Variants in PACRGL observed in about 807,000 individuals in gnomAD.
PACRGL encodes parkin coregulated like.
A neutral mutation model predicts 34.5 loss-of-function variants in PACRGL; 38 were observed. That is an observed-to-expected ratio of 1.10 (90% CI 0.85 to 1.44). The LOEUF is 1.44. Ranked by LOEUF, PACRGL falls within the 40% of genes most tolerant of loss-of-function variation. The pLI, the probability that PACRGL is intolerant of heterozygous loss-of-function variation, is 0.00. For synonymous variants in PACRGL, 128 were observed against 100.1 expected (o/e 1.28, Z -1.66); for missense variants, 305 against 281.4 (o/e 1.08, Z -0.60).
intron 5 of PACRGL, 184 bp from the exon 6 acceptor site, chr4:20,712,604 C>A: frequency 2.0e-6 from 1 of 512,652 alleles, no homozygotes; most frequent in South Asian, 6.1e-5. Flanking sequence ...CTTGGGATAC[C>A]AAGGGACCCT....
At chr4:20,765,915 A>T in the PACRGL span, among the ~76,000 whole-genome samples, 73 of 152,334 alleles carry the variant, frequency 4.8e-4, no homozygotes, top group Non-Finnish European at 1.0e-3. Context: ...GGTCAAGATT[A>T]GTTGTAGATA....
At chr4:20,749,325 C>T (rs1473459850) in intron 8 of PACRGL, among the ~76,000 whole-genome samples, 1 of 152,078 alleles carries the variant, frequency 6.6e-6, no homozygotes, top group Non-Finnish European at 1.5e-5. Flanking sequence ...TTGACTTTAT[C>T]ATCTTTGTAT....
At chr4:20,716,388 G>A (rs1459407116) in intron 7 of PACRGL, 2 of 574,664 alleles carry the variant, frequency 3.5e-6, no homozygotes, top group African/African-American at 3.8e-5. Context: ...TAGGGTACAT[G>A]TGCACAACGT....
In PACRGL at chr4:20,751,427, T is replaced by G. The variant is rs1036967565; in HGVS notation, c.*57-1138T>G. 5.3e-5 allele frequency among the ~76,000 whole-genome samples: 8 copies of G among 152,200 alleles called. No homozygotes were observed. The South Asian group carries it at 1.7e-3, about 31-fold the overall frequency. ...CAAGAATTGGCAGCCTATTTCAACT[T>G]GCAAAGTTGTTTTACTCTCAGCAGT... On this transcript the variant is annotated intron_variant, in intron 8 of 8. Coordinates refer to the PACRGL transcript ENST00000507634.
In PACRGL at chr4:20,710,290, A is replaced by C. The variant is rs573727753; in HGVS notation, c.366+517A>C. ...GGTTTTATAGACTATTTTAAAAAAA[A>C]CTTTTGATAGCTTCCTTTATATAAT... On this transcript the variant is annotated intron_variant, in intron 5 of 8. Transcript: ENST00000503585. 3.2e-3 allele frequency among the ~76,000 whole-genome samples: 481 copies of C among 152,244 alleles called. 1 individual carries two copies. Among genetic ancestry groups the C allele is most frequent in the Middle Eastern group, 0.017 (5 of 294 alleles).
chr4:20,725,015 G>A, intron 8 of PACRGL, 127 bp downstream of exon 8: 1 of 537,614 alleles, frequency 1.9e-6, no homozygotes, highest in Non-Finnish European at 2.9e-6. Flanking sequence ...AATTGATGCT[G>A]TTATTTTCCT....
At chr4:20,713,929 A>G (rs976839916) in intron 7 of PACRGL, among the ~76,000 whole-genome samples, 4 of 152,120 alleles carry the variant, frequency 2.6e-5, no homozygotes, top group African/African-American at 9.7e-5. Flanking sequence ...TATGTGGTCA[A>G]TTTTGGGATA....
rs1747681074 is a variant in PACRGL, at chr4:20,730,231, C to G, written c.*2890C>G. On this transcript the variant is annotated 3_prime_UTR_variant, in exon 9 of 9. Transcript: ENST00000503585. ...GCCTCCTCCCATCAACCACCTCAAC[C>G]ACCTATGCCAAAAGCTCAAATATTA... 1 of 1,371,820 alleles carries G rather than the reference C, an allele frequency of 7.3e-7. No individual in the cohort carries two copies. Among genetic ancestry groups the G allele is most frequent in the Admixed American group, 2.6e-5 (1 of 38,352 alleles). 85.0% of individuals were successfully genotyped at this position (1,371,820 alleles called of 1,614,324 possible).
chr4:20,713,560 A>C (rs367968114), intron 7 of PACRGL, 21 bp downstream of exon 7: 43 of 1,550,342 alleles, frequency 2.8e-5, no homozygotes, highest in Non-Finnish European at 3.7e-5. Flanking sequence ...CAAAGATTAG[A>C]TAATGATTGA....
the PACRGL span, among the ~76,000 whole-genome samples, chr4:20,762,169 G>T: frequency 6.6e-6 from 1 of 152,160 alleles, no homozygotes; most frequent in Admixed American, 6.5e-5. Context: ...CCACATTCCT[G>T]GTTCATAGAT....
Position 20,712,938 on chromosome 4 carries a change from C to A in PACRGL, c.501+16C>A. Reference sequence around the variant, plus strand: ...GGCAGCTCTGGTATGTCATTTATTTCATTGTACTTTATATTTGAAAACATG... The same window carrying A: ...GGCAGCTCTGGTATGTCATTTATTTAATTGTACTTTATATTTGAAAACATG... On this transcript the variant is annotated intron_variant, in intron 6 of 8. Coordinates refer to ENST00000503585, the MANE Select transcript of PACRGL (RefSeq NM_001258345.3). The A allele has an allele frequency of 6.6e-7, 1 of 1,512,848 alleles. No homozygotes were observed. The highest frequency in any genetic ancestry group is 8.9e-7 in the Non-Finnish European group (1 of 1,125,088). The allele number at this position is 1,512,848 out of a possible 1,614,324, so 93.7% of individuals were successfully genotyped here.
the PACRGL span, among the ~76,000 whole-genome samples, chr4:20,761,291 C>T: frequency 1.3e-5 from 2 of 152,168 alleles, no homozygotes; most frequent in South Asian, 2.1e-4. Context: ...CTTAATAAGT[C>T]TCTTTATACT....
At chr4:20,764,891 C>T in the PACRGL span, among the ~76,000 whole-genome samples, 40 of 151,922 alleles carry the variant, frequency 2.6e-4, no homozygotes, top group African/African-American at 8.7e-4. Flanking sequence ...ACAATCACAG[C>T]GGTTTATTGA....
intron 7 of PACRGL, among the ~76,000 whole-genome samples, chr4:20,723,801 C>A (rs1207443603): frequency 6.6e-6 from 1 of 152,076 alleles, no homozygotes; most frequent in Non-Finnish European, 1.5e-5. Context: ...CTAGACACCA[C>A]CCTGACCATC....
At position 20,727,435 on chromosome 4, in the gene PACRGL, G is replaced by T; in HGVS notation, c.*94G>T. On this transcript the variant is annotated 3_prime_UTR_variant, in exon 9 of 9. Transcript: ENST00000503585. ...TTATTTTATTCTTTTGTAAATCACA[G>T]CCACCATTCATTATTTACTAGGTTA... The T allele has an allele frequency of 9.6e-7, 1 of 1,038,738 alleles. No individual in the cohort carries two copies. The highest frequency in any genetic ancestry group is 1.6e-5 in the African/African-American group (1 of 63,658). The allele number at this position is 1,038,738 out of a possible 1,614,324, so 64.3% of individuals were successfully genotyped here. A position where few individuals can be genotyped will look rare whatever the true frequency, so the allele number is the denominator to read the frequency against.
chr4:20,727,448 A>T lies in PACRGL; in HGVS notation c.*107A>T. On this transcript the variant is annotated 3_prime_UTR_variant, in exon 9 of 9. Coordinates refer to ENST00000503585, the MANE Select transcript of PACRGL (RefSeq NM_001258345.3). ...TTGTAAATCACAGCCACCATTCATT[A>T]TTTACTAGGTTAAGATGAATAGACA... 1.1e-6 allele frequency: 1 copy of T among 905,100 alleles called. No homozygotes were observed. The highest frequency in any genetic ancestry group is 2.5e-5 in the East Asian group (1 of 40,278). The allele number at this position is 905,100 out of a possible 1,614,324, so 56.1% of individuals were successfully genotyped here. A position where few individuals can be genotyped will look rare whatever the true frequency, so the allele number is the denominator to read the frequency against.
At chr4:20,749,021 G>C (rs1213488800) in intron 8 of PACRGL, among the ~76,000 whole-genome samples, 2 of 151,730 alleles carry the variant, frequency 1.3e-5, no homozygotes, top group African/African-American at 4.8e-5. Flanking sequence ...AGCTGGGCGT[G>C]GTGGCACGGG....
intron 7 of PACRGL, 34 bp downstream of exon 7, chr4:20,713,573 G>A (rs1246325963): frequency 3.3e-6 from 5 of 1,502,466 alleles, no homozygotes; most frequent in Admixed American, 1.7e-5. Flanking sequence ...ATGATTGACT[G>A]TATGTATCAT....
At chr4:20,765,036 C>G in the PACRGL span, among the ~76,000 whole-genome samples, 7 of 152,202 alleles carry the variant, frequency 4.6e-5, no homozygotes, top group Non-Finnish European at 8.8e-5. Context: ...TTGAGTCACA[C>G]AGGTTTTGAC....
Sources: gnomAD v4.1 joint callset for allele counts (sites outside exome capture counted in the v4.1 genomes callset) on GRCh38, gnomAD v4.1.1 for gene constraint, MANE v1.5 for transcripts, NCBI Gene and HGNC (gene_info 2026-07-23, HGNC 2026-07-21) for gene names.